Variants in CDH13 observed in about 807,000 individuals in gnomAD.
CDH13 encodes the protein cadherin 13, also known as cadherin-13.
A neutral mutation model predicts 63.8 loss-of-function variants in CDH13; 24 were observed. The observed-to-expected ratio is 0.38, with a 90% confidence interval of 0.27 to 0.53. The LOEUF (loss-of-function observed/expected upper bound fraction) is 0.53, where lower values mean the gene tolerates loss of function less well. Among genes scored for constraint, CDH13 ranks in the 20% least tolerant of loss-of-function variants. The pLI is 0.85. For synonymous variants in CDH13, 503 were observed against 355.3 expected (o/e 1.42, Z -4.67); for missense variants, 1,049 against 903.1 (o/e 1.16, Z -2.07).
intron 2 of CDH13, among the ~76,000 whole-genome samples, chr16:82,925,567 G>T (rs1304117093): frequency 6.6e-6 from 1 of 152,196 alleles, no homozygotes; most frequent in African/African-American, 2.4e-5. Flanking sequence ...CGTGTCCCCA[G>T]CCATTGTGGC....
intron 7 of CDH13, among the ~76,000 whole-genome samples, chr16:83,567,694 C>A (rs760603934): frequency 6.6e-6 from 1 of 152,180 alleles, no homozygotes; most frequent in Non-Finnish European, 1.5e-5. Context: ...CTCCTGGGTT[C>A]ACGCTATTCT....
intron 6 of CDH13, among the ~76,000 whole-genome samples, chr16:83,358,681 T>C (rs2091102471): frequency 6.6e-6 from 1 of 152,170 alleles, no homozygotes; most frequent in Non-Finnish European, 1.5e-5. Flanking sequence ...GCTTGAGACA[T>C]AAGCCCACTT....
At chr16:83,114,910 C>G (rs1241519112) in intron 3 of CDH13, among the ~76,000 whole-genome samples, 2 of 152,216 alleles carry the variant, frequency 1.3e-5, no homozygotes, top group African/African-American at 2.4e-5. Flanking sequence ...ATGAGATCAG[C>G]TGCAAGAACG....
In CDH13 at chr16:83,158,268, A is replaced by C. The variant is rs140037535; in HGVS notation, c.483+32767A>C. On this transcript the variant is annotated intron_variant, in intron 4 of 13. Coordinates refer to ENST00000567109, the MANE Select transcript of CDH13 (RefSeq NM_001257.5). Reference sequence around the variant, plus strand: ...CTTTATGTTCTTCGCTTTCTCCTTCAACAAGATTGTTTCCTGCTCCCTCCC... The same window carrying C: ...CTTTATGTTCTTCGCTTTCTCCTTCCACAAGATTGTTTCCTGCTCCCTCCC... Among the ~76,000 whole-genome samples, 131 of 152,204 alleles carry C rather than the reference A, an allele frequency of 8.6e-4. 2 individuals are homozygous for C. The East Asian group carries it at 0.021, about 25-fold the overall frequency.
chr16:83,669,684 T>A lies in CDH13; in HGVS notation c.1102-1106T>A, dbSNP rs140204152. Reference sequence around the variant, plus strand: ...AGGCCTCAGGATTAAGGTTTATGATTAATGATTTCCAAGTCAATTAATCAG... The same window carrying A: ...AGGCCTCAGGATTAAGGTTTATGATAAATGATTTCCAAGTCAATTAATCAG... On this transcript the variant is annotated intron_variant, in intron 8 of 13. Coordinates refer to ENST00000567109, the MANE Select transcript of CDH13 (RefSeq NM_001257.5). Among the ~76,000 whole-genome samples the A allele has an allele frequency of 1.9e-3, 297 of 152,352 alleles. 1 individual carries two copies. Among genetic ancestry groups the A allele is most frequent in the Non-Finnish European group, 3.4e-3 (230 of 68,030 alleles).
At chr16:82,834,637 G>A (rs777827384) in intron 1 of CDH13, among the ~76,000 whole-genome samples, 17 of 152,200 alleles carry the variant, frequency 1.1e-4, no homozygotes, top group Non-Finnish European at 2.2e-4. Context: ...GTCTGAGCCT[G>A]TTTCTTCACA....
chr16:83,170,971 C>T (rs2037889574), intron 4 of CDH13, among the ~76,000 whole-genome samples: 1 of 152,074 alleles, frequency 6.6e-6, no homozygotes, highest in Non-Finnish European at 1.5e-5. Flanking sequence ...TCAACCTCCC[C>T]ATCAGTCTTT....
intron 4 of CDH13, among the ~76,000 whole-genome samples, chr16:83,200,811 A>G (rs1321872462): frequency 6.6e-6 from 1 of 152,152 alleles, no homozygotes; most frequent in Non-Finnish European, 1.5e-5. Flanking sequence ...CAACAACAAC[A>G]TATTTTAGGT....
chr16:83,257,032 A>G (rs544839554), intron 5 of CDH13, among the ~76,000 whole-genome samples: 143 of 152,146 alleles, frequency 9.4e-4, no homozygotes, highest in Non-Finnish European at 7.5e-4. Context: ...CTGGCAAGAA[A>G]GCAAACACTG....
chr16:83,794,055 C>T (rs1176445389), intron 13 of CDH13, among the ~76,000 whole-genome samples: 1 of 152,166 alleles, frequency 6.6e-6, no homozygotes, highest in Non-Finnish European at 1.5e-5. Flanking sequence ...CCAAGGGATG[C>T]AGGCAACCCT....
At chr16:83,763,073 A>C (rs1914105400) in intron 11 of CDH13, among the ~76,000 whole-genome samples, 1 of 152,124 alleles carries the variant, frequency 6.6e-6, no homozygotes. Flanking sequence ...TTCCCCATCT[A>C]TTTCCATTTA....
chr16:83,598,234 G>A (rs993801154), intron 7 of CDH13, among the ~76,000 whole-genome samples: 7 of 152,070 alleles, frequency 4.6e-5, no homozygotes, highest in South Asian at 4.1e-4. Context: ...GTGTGGTGGC[G>A]TGTGATTATA....
chr16:83,346,289 G>A (rs1284098820), intron 6 of CDH13, among the ~76,000 whole-genome samples: 1 of 152,276 alleles, frequency 6.6e-6, no homozygotes, highest in East Asian at 1.9e-4. Context: ...AATCCACGTG[G>A]CCCCTCTCTG....
At chr16:83,616,268 A>G (rs564095772) in intron 8 of CDH13, among the ~76,000 whole-genome samples, 1 of 152,282 alleles carries the variant, frequency 6.6e-6, no homozygotes, top group East Asian at 1.9e-4. Context: ...AAAATATATA[A>G]TCTACCATGT....
chr16:82,673,067 C>A (rs112530919), intron 1 of CDH13, among the ~76,000 whole-genome samples: 48 of 127,134 alleles, frequency 3.8e-4, no homozygotes, highest in African/African-American at 1.4e-3. Flanking sequence ...GTCTCGAACT[C>A]CTGGGCTCAA....
At chr16:83,000,916 G>C (rs1912855220) in intron 2 of CDH13, among the ~76,000 whole-genome samples, 2 of 152,162 alleles carry the variant, frequency 1.3e-5, no homozygotes, top group Non-Finnish European at 2.9e-5. Flanking sequence ...TTGAGGGACA[G>C]CTTACTCATT....
At chr16:83,670,658 C>T (rs1914418725) in intron 8 of CDH13, 132 bp from the exon 9 acceptor site, 8 of 846,070 alleles carry the variant, frequency 9.5e-6, no homozygotes, top group Middle Eastern at 2.6e-4. Flanking sequence ...ATAGTATCTT[C>T]CAACCGTAAT....
intron 5 of CDH13, among the ~76,000 whole-genome samples, chr16:83,273,881 T>C (rs1337568114): frequency 6.6e-6 from 1 of 152,164 alleles, no homozygotes; most frequent in Non-Finnish European, 1.5e-5. Context: ...GATCAAACAG[T>C]TGGTACTGAA....
At chr16:83,178,946 T>C (rs2038238032) in intron 4 of CDH13, among the ~76,000 whole-genome samples, 1 of 152,214 alleles carries the variant, frequency 6.6e-6, no homozygotes, top group Non-Finnish European at 1.5e-5. Flanking sequence ...TGGAACAGTG[T>C]GTTTGTGCTT....
Sources: gnomAD v4.1 joint callset for allele counts (sites outside exome capture counted in the v4.1 genomes callset) on GRCh38, gnomAD v4.1.1 for gene constraint, MANE v1.5 for transcripts, NCBI Gene and HGNC (gene_info 2026-07-23, HGNC 2026-07-21) for gene names.